Variants in HDAC5 observed in about 807,000 individuals in gnomAD.
HDAC5 encodes the protein histone deacetylase 5.
A neutral mutation model predicts 133.3 loss-of-function variants in HDAC5; 25 were observed. The ratio of observed to expected loss-of-function variants is 0.19; its 90% confidence interval spans 0.14 to 0.26. The LOEUF (loss-of-function observed/expected upper bound fraction) is 0.26, where lower values mean the gene tolerates loss of function less well. HDAC5 is among the 10% of genes least tolerant of loss of function. HDAC5 has a pLI of 1.00. For synonymous variants in HDAC5, 589 were observed against 610.8 expected (o/e 0.96, Z 0.53); for missense variants, 1,041 against 1,460.5 (o/e 0.71, Z 4.68).
intron 9 of HDAC5, 120 bp downstream of exon 9, chr17:44,092,052 T>C: frequency 1.0e-6 from 1 of 973,886 alleles, no homozygotes; most frequent in Non-Finnish European, 1.5e-6. Flanking sequence ...AGCCTATTCA[T>C]GTGGGCAGAG....
chr17:44,118,357 G>A (rs2052778496), intron 1 of HDAC5, among the ~76,000 whole-genome samples: 1 of 152,192 alleles, frequency 6.6e-6, no homozygotes, highest in African/African-American at 2.4e-5. Context: ...CCAGCACTTT[G>A]TGTATATTGT....
chr17:44,091,796 G>A lies in HDAC5; in HGVS notation c.1068C>T (p.Ser356=), dbSNP rs556640093. ...TGTAGAGGCTGAACTGGTTGGGGGAGCTGTCCAGAGGGAGGGCTCGGTGCT... is the reference window on the plus strand; with the variant it reads ...TGTAGAGGCTGAACTGGTTGGGGGAACTGTCCAGAGGGAGGGCTCGGTGCT... ...LPQHRALPLD[S]SPNQFSLYTS... is the part of the protein sequence containing the mutation. The change falls in exon 10 of 27, where the codon AGC becomes AGT. Residue 356 remains serine (S), a synonymous_variant. Coordinates refer to ENST00000682912, the MANE Select transcript of HDAC5 (RefSeq NM_005474.5). The A allele has an allele frequency of 4.4e-6, 7 of 1,597,778 alleles. No homozygotes were observed. Among genetic ancestry groups the A allele is most frequent in the African/African-American group, 1.3e-5 (1 of 74,468 alleles).
At chr17:44,091,549 A>G in intron 10 of HDAC5, 57 bp from the exon 11 acceptor site, 1 of 1,498,878 alleles carries the variant, frequency 6.7e-7, no homozygotes, top group East Asian at 2.3e-5. Context: ...TTGGACTAGC[A>G]TCCCCATCTA....
intron 1 of HDAC5, chr17:44,120,522 C>A (rs928020533): frequency 6.6e-6 from 1 of 152,196 alleles, no homozygotes; most frequent in Non-Finnish European, 1.5e-5. Context: ...AGGCGGATCA[C>A]CTGAGGTCAG....
At chr17:44,100,151 T>C (rs959087925) in intron 3 of HDAC5, among the ~76,000 whole-genome samples, 8 of 152,126 alleles carry the variant, frequency 5.3e-5, no homozygotes, top group Non-Finnish European at 1.0e-4. Flanking sequence ...AGCAGTGCCT[T>C]GGGAACAAGA....
chr17:44,082,204 A>G (rs1206916080), intron 20 of HDAC5: 11 of 212,872 alleles, frequency 5.2e-5, no homozygotes, highest in East Asian at 2.2e-4. Context: ...CGAGGTGGCC[A>G]TAAAGTACTC....
chr17:44,112,218 G>A (rs138880606), intron 2 of HDAC5, among the ~76,000 whole-genome samples: 46 of 152,226 alleles, frequency 3.0e-4, no homozygotes, highest in African/African-American at 1.0e-3. Flanking sequence ...TTGGAACCTC[G>A]CTAAGGAGAG....
chr17:44,080,784 T>G lies in HDAC5; in HGVS notation c.2706A>C (p.Pro902=). ...LHRYDNGNFF[P]GSGAPEEVGG... ...GTACCTCTTCAGGAGCCCCAGAGCC[T>G]GGAAAGAAGTTCCCGTTGTCATAGC... is the stretch of plus-strand genomic sequence containing the variant. The change falls in exon 21 of 27, where the codon CCA becomes CCC. Residue 902 remains proline (P), a synonymous_variant. Coordinates refer to ENST00000682912, the MANE Select transcript of HDAC5 (RefSeq NM_005474.5). 1 of 1,614,208 alleles carries G rather than the reference T, an allele frequency of 6.2e-7. No individual in the cohort carries two copies. The highest frequency in any genetic ancestry group is 1.1e-5 in the South Asian group (1 of 91,088).
rs773575696 is a variant in HDAC5, at chr17:44,108,751, C to CAAA, written c.94+1975_94+1977dup. 8.8e-4 allele frequency among the ~76,000 whole-genome samples: 50 copies of CAAA among 56,946 alleles called. 2 individuals carry two copies. The highest frequency in any genetic ancestry group is 2.2e-3 in the African/African-American group (40 of 18,414). The allele number at this position is 56,946 out of a possible 152,430, so 37.4% of individuals were successfully genotyped here. A position where few individuals can be genotyped will look rare whatever the true frequency, so the allele number is the denominator to read the frequency against. On this transcript the variant is annotated intron_variant, in intron 3 of 26. Transcript: ENST00000682912. ...AAACATCTATTTACATTCCAGAGTCCAAAAAAAAAACAAAAAAAAAACAAA... is the reference window on the plus strand; with the variant it reads ...AAACATCTATTTACATTCCAGAGTCCAAAAAAAAAAAAACAAAAAAAAAACAAA...
chr17:44,085,523 T>A (rs2050604960), intron 14 of HDAC5, among the ~76,000 whole-genome samples: 1 of 151,924 alleles, frequency 6.6e-6, no homozygotes, highest in Non-Finnish European at 1.5e-5. Context: ...TTTGTTTTTT[T>A]TTGAGACAGA....
At chr17:44,108,783 A>AC (rs1382760536) in intron 3 of HDAC5, among the ~76,000 whole-genome samples, 1 of 150,414 alleles carries the variant, frequency 6.6e-6, no homozygotes, top group African/African-American at 2.5e-5. Context: ...CAAAAAAAAA[A>AC]CAAGGCTGCC....
chr17:44,108,226 G>C (rs1203675476), intron 3 of HDAC5, among the ~76,000 whole-genome samples: 1 of 152,206 alleles, frequency 6.6e-6, no homozygotes, highest in East Asian at 1.9e-4. Flanking sequence ...TCCTTCGGTA[G>C]GCTAAGGCTC....
chr17:44,083,689 G>A (rs759590685), intron 17 of HDAC5, 37 bp from the exon 18 acceptor site: 7 of 1,592,986 alleles, frequency 4.4e-6, no homozygotes, highest in Middle Eastern at 1.7e-4. Context: ...TGTGCCCCCT[G>A]CAGGGCAAGA....
At chr17:44,092,577 T>G in intron 7 of HDAC5, 50 bp from the exon 8 acceptor site, 1 of 1,582,860 alleles carries the variant, frequency 6.3e-7, no homozygotes, top group Non-Finnish European at 8.6e-7. Context: ...AGCACACATC[T>G]GCAGCTGAGC....
At chr17:44,082,406 T>C (rs1597932312) in intron 20 of HDAC5, 179 bp downstream of exon 20, 6 of 600,822 alleles carry the variant, frequency 1.0e-5, no homozygotes, top group Middle Eastern at 4.4e-4. Context: ...CCTGTTGGAA[T>C]GTGACGTTAG....
At chr17:44,106,958 CT>C (rs1306789234) in intron 3 of HDAC5, among the ~76,000 whole-genome samples, 3 of 150,766 alleles carry the variant, frequency 2.0e-5, no homozygotes, top group African/African-American at 7.3e-5. Flanking sequence ...GGCAGGTTCC[CT>C]TTTTTTAAGA....
intron 3 of HDAC5, among the ~76,000 whole-genome samples, chr17:44,102,659 G>A (rs1490187228): frequency 7.3e-6 from 1 of 137,478 alleles, no homozygotes; most frequent in Non-Finnish European, 1.5e-5. Flanking sequence ...TGCCCGGCCA[G>A]GTTCTCTCTT....
rs1426206761 is a variant in HDAC5 at position 44,091,725 on chromosome 17, A to T, written c.1139T>A (p.Val380Asp). The T allele has an allele frequency of 6.3e-7, 1 of 1,584,360 alleles. No individual in the cohort carries two copies. The highest frequency in any genetic ancestry group is 2.2e-5 in the East Asian group (1 of 44,500). ...AGTGAGGTGTGAGTTGGTGACAGTG[A>T]CCGTGGCCTGCAGCCCTAGGGAGAT... ...PNISLGLQAT[V>D]TVTNSHLTAS... The change falls in exon 10 of 27, where the codon GTC becomes GAC. Residue 380 changes from valine (V) to aspartate (D), a missense_variant. By Grantham distance (152) the Val-to-Asp change is radical (BLOSUM62 -3). Around this residue, in one of 9 missense-constraint regions of HDAC5, gnomAD observed 433 missense variants for 531.6 expected, o/e 0.81. Transcript: ENST00000682912.
At chr17:44,092,036 T>C (rs1597966433) in intron 9 of HDAC5, 136 bp downstream of exon 9, 1 of 935,450 alleles carries the variant, frequency 1.1e-6, no homozygotes, top group Non-Finnish European at 1.6e-6. Flanking sequence ...CAAGCAAGGA[T>C]CCTCCAGCCT....
Sources: gnomAD v4.1 joint callset for allele counts (sites outside exome capture counted in the v4.1 genomes callset) on GRCh38, gnomAD v4.1.1 for gene constraint, gnomAD v4.1.1 regional missense constraint, MANE v1.5 for transcripts, NCBI Gene and HGNC (gene_info 2026-07-23, HGNC 2026-07-21) for gene names.